TENM3: variants seen among roughly 807,000 people sequenced by gnomAD.
The protein encoded by TENM3 is teneurin transmembrane protein 3, also known as teneurin-3.
TENM3 carries 63 observed loss-of-function variants against 255.1 expected under a neutral mutation model. The observed-to-expected ratio is 0.25, with a 90% confidence interval of 0.20 to 0.30. The LOEUF (loss-of-function observed/expected upper bound fraction) is 0.30, where lower values mean the gene tolerates loss of function less well. Among genes scored for constraint, TENM3 ranks in the 10% least tolerant of loss-of-function variants. The pLI is 1.00. For missense variants in TENM3, 2,929 were observed against 3,461.1 expected (o/e 0.85, Z 3.86); for synonymous variants, 1,306 against 1,322.3 (o/e 0.99, Z 0.27).
the TENM3 span, among the ~76,000 whole-genome samples, chr4:181,475,042 G>C: frequency 2.0e-5 from 3 of 152,172 alleles, no homozygotes; most frequent in Non-Finnish European, 4.4e-5. Flanking sequence ...TACACCTACC[G>C]GAGATCTATT....
At chr4:181,451,278 A>G in the TENM3 span, among the ~76,000 whole-genome samples, 1 of 152,166 alleles carries the variant, frequency 6.6e-6, no homozygotes, top group African/African-American at 2.4e-5. Context: ...AGAGGAACCC[A>G]GATGTCTAGA....
rs997677264 is a variant in TENM3 at position 182,649,305 on chromosome 4, C to G, written c.989-4466C>G. 1.3e-5 allele frequency among the ~76,000 whole-genome samples: 2 copies of G among 150,264 alleles called. 1 individual carries two copies. The highest frequency in any genetic ancestry group is 3.0e-5 in the Non-Finnish European group (2 of 67,326). On this transcript the variant is annotated intron_variant, in intron 5 of 27. Coordinates refer to ENST00000511685, the MANE Select transcript of TENM3 (RefSeq NM_001080477.4). ...CATGGGGCAAATATAATCATTCTTT[C>G]TACAAAAAAAGAAGATAATGGACTT... is the stretch of plus-strand genomic sequence containing the variant.
Position 182,755,001 on chromosome 4 carries a change from T to C in TENM3, c.4634T>C (p.Phe1545Ser). ...GTCACTGGTGATTACCTTTACAATT[T>C]TAGCTACAGCAATGACAATGATATT... is the stretch of plus-strand genomic sequence containing the variant. Reference protein sequence around the residue: ...SLVTGDYLYNFSYSNDNDITA... With the variant: ...SLVTGDYLYNSSYSNDNDITA... The change falls in exon 22 of 28, where the codon TTT becomes TCT. Residue 1545 changes from phenylalanine to serine, a missense_variant. Around this residue, in one of 6 missense-constraint regions of TENM3, gnomAD observed 1,608 missense variants for 1,884.4 expected, o/e 0.85. Coordinates refer to ENST00000511685, the MANE Select transcript of TENM3 (RefSeq NM_001080477.4). 6.2e-7 allele frequency: 1 copy of C among 1,614,030 alleles called. No individual in the cohort carries two copies. Among genetic ancestry groups the C allele is most frequent in the Non-Finnish European group, 8.5e-7 (1 of 1,179,880 alleles).
the TENM3 span, among the ~76,000 whole-genome samples, chr4:182,044,893 A>G: frequency 6.6e-6 from 1 of 152,238 alleles, no homozygotes. Flanking sequence ...AAGCTGATAT[A>G]TCACTATCTA....
upstream of TENM3, among the ~76,000 whole-genome samples, chr4:182,140,986 T>TCCCC (rs199951374): frequency 2.3e-3 from 265 of 115,292 alleles, 1 homozygote; most frequent in South Asian, 6.8e-3. Context: ...GCCCATTATA[T>TCCCC]CCCTCCCCCC....
At chr4:181,957,252 G>A in the TENM3 span, among the ~76,000 whole-genome samples, 3 of 152,168 alleles carry the variant, frequency 2.0e-5, no homozygotes, top group African/African-American at 7.2e-5. Context: ...ACATTACTGT[G>A]TACAATGGGT....
the TENM3 span, among the ~76,000 whole-genome samples, chr4:181,643,442 A>G: frequency 1.3e-5 from 2 of 152,202 alleles, no homozygotes; most frequent in Admixed American, 6.5e-5. Flanking sequence ...GCAAACAGAG[A>G]CAATTTGACT....
the TENM3 span, among the ~76,000 whole-genome samples, chr4:181,819,338 G>A: frequency 6.6e-6 from 1 of 152,028 alleles, no homozygotes; most frequent in Non-Finnish European, 1.5e-5. Context: ...TTAATTAGAA[G>A]TTCCATAGAA....
At chr4:181,551,681 T>C in the TENM3 span, among the ~76,000 whole-genome samples, 2 of 152,096 alleles carry the variant, frequency 1.3e-5, no homozygotes, top group African/African-American at 4.8e-5. Flanking sequence ...AAATCGTCAA[T>C]ATACTGTGCT....
At chr4:181,605,480 GAGAAAGAAAGAA>G in the TENM3 span, among the ~76,000 whole-genome samples, 939 of 63,778 alleles carry the variant, frequency 0.015, 15 homozygotes, top group African/African-American at 0.019. Flanking sequence ...GAGAGAAACA[GAGAAAGAAAGAA>G]AGAAAGAAAG....
At chr4:182,271,988 A>G (rs1483267995) in intron 1 of TENM3, among the ~76,000 whole-genome samples, 2 of 152,198 alleles carry the variant, frequency 1.3e-5, no homozygotes, top group Non-Finnish European at 2.9e-5. Flanking sequence ...CCGTTCGGCC[A>G]GTTTAAGCTG....
At chr4:182,130,586 A>T in the TENM3 span, among the ~76,000 whole-genome samples, 596 of 152,198 alleles carry the variant, frequency 3.9e-3, 3 homozygotes, top group African/African-American at 0.014. Flanking sequence ...GCACATTTTC[A>T]TTACCAAGTA....
chr4:182,612,067 A>C (rs1257744089), intron 4 of TENM3, among the ~76,000 whole-genome samples: 2 of 151,994 alleles, frequency 1.3e-5, no homozygotes, highest in African/African-American at 2.4e-5. Context: ...CAGGAGTTTG[A>C]GACCAGCCTG....
intron 3 of TENM3, among the ~76,000 whole-genome samples, chr4:182,577,352 T>C (rs1463413505): frequency 6.6e-6 from 1 of 152,196 alleles, no homozygotes; most frequent in Non-Finnish European, 1.5e-5. Context: ...TGAAAGTACC[T>C]GAAGTACAGT....
At chr4:182,287,270 T>C (rs553194248) in intron 1 of TENM3, among the ~76,000 whole-genome samples, 2 of 152,334 alleles carry the variant, frequency 1.3e-5, no homozygotes, top group East Asian at 1.9e-4. Context: ...AATCGCCCAG[T>C]GTGATCTGGC....
chr4:181,611,611 G>A, the TENM3 span, among the ~76,000 whole-genome samples: 1 of 152,220 alleles, frequency 6.6e-6, no homozygotes, highest in East Asian at 1.9e-4. Context: ...CAAATCCTTG[G>A]CTAAAATCTG....
intron 3 of TENM3, among the ~76,000 whole-genome samples, chr4:182,380,922 C>T (rs1277483504): frequency 1.3e-5 from 2 of 152,162 alleles, no homozygotes; most frequent in African/African-American, 2.4e-5. Context: ...CATATGAAAC[C>T]TCCTCTTGTT....
the TENM3 span, among the ~76,000 whole-genome samples, chr4:182,093,322 A>C: frequency 3.9e-5 from 6 of 152,202 alleles, no homozygotes; most frequent in Non-Finnish European, 8.8e-5. Flanking sequence ...TCTTAGAAAG[A>C]TGGTGGCAGG....
At chr4:181,821,735 C>A in the TENM3 span, 1 of 152,148 alleles carries the variant, frequency 6.6e-6, no homozygotes, top group African/African-American at 2.4e-5. Context: ...GTGTAAATTA[C>A]TCAGAAGATT....
Sources: allele counts gnomAD v4.1 joint callset (sites outside exome capture counted in the v4.1 genomes callset), GRCh38; gene constraint gnomAD v4.1.1; regional missense constraint gnomAD v4.1.1; transcripts MANE v1.5; gene names NCBI Gene and HGNC (gene_info 2026-07-23, HGNC 2026-07-21).